Variants in ARHGAP24 observed in about 807,000 individuals in gnomAD.
ARHGAP24 encodes the protein rho GTPase-activating protein 24.
ARHGAP24 carries 50 observed loss-of-function variants against 76.4 expected under a neutral mutation model. The observed-to-expected ratio is 0.65, with a 90% confidence interval of 0.52 to 0.83. The LOEUF is 0.83. ARHGAP24 is among the 40% of genes least tolerant of loss of function. The pLI, the probability that ARHGAP24 is intolerant of heterozygous loss-of-function variation, is 0.00. For missense variants in ARHGAP24, 930 were observed against 914.2 expected (o/e 1.02, Z -0.22); for synonymous variants, 345 against 323.3 (o/e 1.07, Z -0.72).
chr4:85,628,168 T>G (rs1258904815), intron 2 of ARHGAP24, among the ~76,000 whole-genome samples: 1 of 152,190 alleles, frequency 6.6e-6, no homozygotes, highest in Non-Finnish European at 1.5e-5. Context: ...TCTGCGTCGC[T>G]CACACTGGGA....
At position 85,534,653 on chromosome 4, in the gene ARHGAP24, G is replaced by T. The variant is rs112427404; in HGVS notation, c.-20-35869G>T. Among the ~76,000 whole-genome samples, 1,471 of 152,084 alleles carry T rather than the reference G, an allele frequency of 9.7e-3. 13 individuals carry two copies. Among genetic ancestry groups the T allele is most frequent in the East Asian group, 0.018 (95 of 5,180 alleles). On this transcript the variant is annotated intron_variant, in intron 1 of 9. Coordinates refer to ENST00000395184, the MANE Select transcript of ARHGAP24 (RefSeq NM_001025616.3). Reference sequence around the variant, plus strand: ...CAGCTGAGTGAAATATGAAATAGAGGGTAGCAAGCTAGTCCCCACATTGCC... The same window carrying T: ...CAGCTGAGTGAAATATGAAATAGAGTGTAGCAAGCTAGTCCCCACATTGCC...
At chr4:85,487,145 CTTGTGTGTATATATATATAAATATATA>C (rs1723087329) in intron 1 of ARHGAP24, among the ~76,000 whole-genome samples, 1 of 136,824 alleles carries the variant, frequency 7.3e-6, no homozygotes, top group African/African-American at 2.8e-5. Flanking sequence ...TGCTTGGTTG[CTTGTGTGTATATATATATAAATATATA>C]TTTATTTTAT....
At chr4:85,781,913 T>C (rs1402427550) in intron 3 of ARHGAP24, among the ~76,000 whole-genome samples, 1 of 151,790 alleles carries the variant, frequency 6.6e-6, no homozygotes, top group African/African-American at 2.4e-5. Flanking sequence ...GGCGCATGTC[T>C]GTAATCCCAG....
intron 1 of ARHGAP24, among the ~76,000 whole-genome samples, chr4:85,497,957 T>G (rs1723646763): frequency 6.6e-6 from 1 of 152,250 alleles, no homozygotes; most frequent in African/African-American, 2.4e-5. Context: ...TTCAATTTCC[T>G]TCTCCAACTT....
chr4:85,860,095 A>G (rs191841696), intron 3 of ARHGAP24, among the ~76,000 whole-genome samples: 2 of 152,236 alleles, frequency 1.3e-5, no homozygotes, highest in South Asian at 2.1e-4. Flanking sequence ...GAATCAGAAC[A>G]ATTGATTTTC....
chr4:85,597,354 C>T (rs1719876269), intron 2 of ARHGAP24, among the ~76,000 whole-genome samples: 1 of 152,042 alleles, frequency 6.6e-6, no homozygotes, highest in African/African-American at 2.4e-5. Context: ...GGGCTGACAG[C>T]TAAATGCTTA....
intron 2 of ARHGAP24, among the ~76,000 whole-genome samples, chr4:85,699,477 C>T (rs1251912112): frequency 6.6e-6 from 1 of 152,132 alleles, no homozygotes; most frequent in African/African-American, 2.4e-5. Flanking sequence ...TGGTGCCTGC[C>T]TGTAGTCCCA....
At chr4:85,659,450 A>C (rs988450424) in intron 2 of ARHGAP24, among the ~76,000 whole-genome samples, 3 of 152,242 alleles carry the variant, frequency 2.0e-5, no homozygotes, top group Non-Finnish European at 4.4e-5. Flanking sequence ...TTAAATTTCT[A>C]TAAAATGGAA....
chr4:85,995,525 C>A lies in ARHGAP24; in HGVS notation c.1871C>A (p.Thr624Asn). The A allele has an allele frequency of 1.2e-6, 2 of 1,606,978 alleles. No homozygotes were observed. Among genetic ancestry groups the A allele is most frequent in the Non-Finnish European group, 1.7e-6 (2 of 1,175,798 alleles). The change falls in exon 9 of 10, where the codon ACC becomes AAC. Residue 624 changes from threonine to asparagine, a missense_variant. Thr to Asn is a moderately conservative substitution (Grantham distance 65). Transcript: ENST00000395184. ...RSVGGRSSRA[T>N]SSSDNSETFV... is the part of the protein sequence containing the mutation. The stretch of plus-strand genomic sequence containing the variant: ...GTGGGAGGTCGAAGTAGTCGTGCCA[C>A]CAGTAGCAGTGACAACAGTGAGACA...
intron 3 of ARHGAP24, among the ~76,000 whole-genome samples, chr4:85,880,094 A>C (rs1733159465): frequency 1.3e-5 from 2 of 152,198 alleles, no homozygotes; most frequent in African/African-American, 4.8e-5. Flanking sequence ...ATACATGCAT[A>C]CCTATGATAG....
rs1727100830 is a variant in ARHGAP24, at chr4:85,570,607, G to A, written c.66G>A (p.Lys22=). 3.7e-6 allele frequency: 6 copies of A among 1,614,132 alleles called. No homozygotes were observed. In the African/African-American group the frequency reaches 4.0e-5, roughly 11 times the overall value. Residue 22 remains lysine (K), a synonymous_variant, in exon 2 of 10, where the codon AAG becomes AAA. Coordinates refer to ENST00000395184, the MANE Select transcript of ARHGAP24 (RefSeq NM_001025616.3). ...QQGQGRQNAI[K]CGWLRKQGGF... ...GCCAAGGGCGGCAGAATGCCATCAA[G>A]TGTGGGTGGCTGAGGAAGCAAGGAG...
At chr4:85,876,025 G>C (rs1005427399) in intron 3 of ARHGAP24, among the ~76,000 whole-genome samples, 2 of 152,066 alleles carry the variant, frequency 1.3e-5, no homozygotes, top group East Asian at 3.8e-4. Flanking sequence ...TTACAGGCTT[G>C]AGCCACTGCA....
chr4:85,794,045 G>A (rs1456264064), intron 3 of ARHGAP24, among the ~76,000 whole-genome samples: 2 of 152,114 alleles, frequency 1.3e-5, no homozygotes, highest in African/African-American at 4.8e-5. Flanking sequence ...CAGAGGAAAT[G>A]GCTTAATCAA....
At chr4:85,891,293 TGTC>T (rs1170601798) in intron 3 of ARHGAP24, among the ~76,000 whole-genome samples, 1 of 150,266 alleles carries the variant, frequency 6.7e-6, no homozygotes, top group Non-Finnish European at 1.5e-5. Flanking sequence ...TAAACAATCA[TGTC>T]GTCTGCAAAC....
At position 85,995,063 on chromosome 4, in the gene ARHGAP24, C is replaced by A. The variant is rs777784707; in HGVS notation, c.1409C>A (p.Thr470Asn). The A allele has an allele frequency of 1.2e-6, 2 of 1,614,058 alleles. No individual in the cohort carries two copies. The highest frequency in any genetic ancestry group is 4.5e-5 in the East Asian group (2 of 44,858). Residue 470 changes from threonine (T) to asparagine (N), a missense_variant, in exon 9 of 10, where the codon ACC (threonine) becomes AAC (asparagine). Coordinates refer to ENST00000395184, the MANE Select transcript of ARHGAP24 (RefSeq NM_001025616.3). ...RRSSSLKVSG[T>N]KMGTHSVQNG... ...AGCTCTTCACTGAAGGTATCTGGTA[C>A]CAAAATGGGCACGCACAGTGTACAG...
chr4:85,662,597 C>T (rs1244838951), intron 2 of ARHGAP24, among the ~76,000 whole-genome samples: 1 of 151,778 alleles, frequency 6.6e-6, no homozygotes, highest in African/African-American at 2.4e-5. Context: ...TTGCCCATGC[C>T]TATGTCCTGA....
At chr4:85,896,612 C>G (rs13121761) in intron 3 of ARHGAP24, among the ~76,000 whole-genome samples, 103,502 of 152,044 alleles carry the variant, frequency 0.68, 35,546 homozygotes, top group African/African-American at 0.72. Context: ...ATTTGGGAGA[C>G]ATAGGGCTAA....
chr4:85,570,729 G>T lies in ARHGAP24; in HGVS notation c.180+8G>T. 6.2e-7 allele frequency: 1 copy of T among 1,613,890 alleles called. No homozygotes were observed. Among genetic ancestry groups the T allele is most frequent in the Non-Finnish European group, 8.5e-7 (1 of 1,179,876 alleles). The stretch of plus-strand genomic sequence containing the variant: ...GATGAAACCAAGCCCTTGGTGAGTA[G>T]GAGAAAATGTAAAGCATTAAGGGCC... On this transcript the variant is annotated splice_region_variant and intron_variant, in intron 2 of 9. Coordinates refer to ENST00000395184, the MANE Select transcript of ARHGAP24 (RefSeq NM_001025616.3).
intron 2 of ARHGAP24, among the ~76,000 whole-genome samples, chr4:85,589,362 A>G (rs990312932): frequency 6.6e-6 from 1 of 152,198 alleles, no homozygotes; most frequent in African/African-American, 2.4e-5. Context: ...TATTTTATTC[A>G]TATGTCATTC....
Sources: allele counts gnomAD v4.1 joint callset (sites outside exome capture counted in the v4.1 genomes callset), GRCh38; gene constraint gnomAD v4.1.1; transcripts MANE v1.5; gene names NCBI Gene and HGNC (gene_info 2026-07-23, HGNC 2026-07-21).